C16orf74: variants seen among roughly 807,000 people sequenced by gnomAD.
The protein encoded by C16orf74 is calcimembrin.
C16orf74 carries 10 observed loss-of-function variants against 6.5 expected under a neutral mutation model. The observed-to-expected ratio is 1.54, with a 90% CI of 0.95 to 2.61. The LOEUF (loss-of-function observed/expected upper bound fraction) is 2.61. C16orf74 is among the 30% of genes most tolerant of loss of function. C16orf74 has a pLI of 0.00. For synonymous variants in C16orf74, 60 were observed against 42.5 expected, an observed-to-expected ratio of 1.41 and a Z score of -1.60; for missense variants, 141 against 105.9, an observed-to-expected ratio of 1.33 and a Z score of -1.45.
intron 1 of C16orf74, among the ~76,000 whole-genome samples, chr16:85,745,668 A>G (rs1224836664): frequency 6.8e-6 from 1 of 147,948 alleles, no homozygotes; most frequent in Non-Finnish European, 1.5e-5. Flanking sequence ...CTTTTCAAAG[A>G]CACAGAATCT....
intron 2 of C16orf74, among the ~76,000 whole-genome samples, chr16:85,731,691 AT>A (rs11313311): frequency 0.92 from 132,559 of 144,296 alleles, 61,084 homozygotes; most frequent in South Asian, 1. Context: ...TTGTGATGTC[AT>A]TTTTTTTTTT....
chr16:85,719,835 G>C (rs916348133), intron 2 of C16orf74, among the ~76,000 whole-genome samples: 1 of 144,606 alleles, frequency 6.9e-6, no homozygotes, highest in African/African-American at 2.8e-5. Flanking sequence ...AGGAACATAG[G>C]GGCCACAGGC....
chr16:85,707,816 G>C lies in C16orf74; in HGVS notation c.*192C>G, dbSNP rs2053927344. The C allele has an allele frequency of 1.7e-6, 1 of 593,736 alleles. No individual in the cohort carries two copies. The highest frequency in any genetic ancestry group is 1.9e-5 in the African/African-American group (1 of 52,928). The allele number at this position is 593,736 out of a possible 1,614,324, so 36.8% of individuals were successfully genotyped here. A position where few individuals can be genotyped will look rare whatever the true frequency, so the allele number is the denominator to read the frequency against. On this transcript the variant is annotated 3_prime_UTR_variant, in exon 4 of 4. Transcript: ENST00000284245. ...AGGTCCGGTCCACTCAGCGGGGCCT[G>C]GGAAACACTGTTCTGGAAGTGGACA...
At chr16:85,748,128 G>A (rs200264431) in intron 1 of C16orf74, among the ~76,000 whole-genome samples, 6 of 60,842 alleles carry the variant, frequency 9.9e-5, no homozygotes, top group South Asian at 3.2e-4. Context: ...ATGTGTGTGT[G>A]TATATATATA....
At chr16:85,709,011 C>A (rs1225032370) in intron 3 of C16orf74, among the ~76,000 whole-genome samples, 2 of 152,228 alleles carry the variant, frequency 1.3e-5, no homozygotes, top group Non-Finnish European at 2.9e-5. Context: ...GCCTGCGGCA[C>A]CCGTGACTAG....
At chr16:85,731,414 G>A (rs2054186112) in intron 2 of C16orf74, among the ~76,000 whole-genome samples, 1 of 152,212 alleles carries the variant, frequency 6.6e-6, no homozygotes. Context: ...AACCCAGGGA[G>A]GCCTGGAGCT....
chr16:85,736,553 G>C (rs1598802365), intron 1 of C16orf74, among the ~76,000 whole-genome samples: 1 of 152,156 alleles, frequency 6.6e-6, no homozygotes, highest in African/African-American at 2.4e-5. Flanking sequence ...CCAAGACATA[G>C]ACCGGGGCCT....
intron 2 of C16orf74, among the ~76,000 whole-genome samples, chr16:85,715,262 C>G (rs577845827): frequency 6.6e-6 from 1 of 152,070 alleles, no homozygotes; most frequent in African/African-American, 2.4e-5. Context: ...GCCCCTACCC[C>G]AAACAACCAC....
intron 1 of C16orf74, among the ~76,000 whole-genome samples, chr16:85,748,105 TAC>T (rs1171776421): frequency 1.3e-5 from 1 of 74,080 alleles, no homozygotes; most frequent in Non-Finnish European, 4.2e-5. Context: ...TATATATATA[TAC>T]ATATATATAT....
chr16:85,748,126 GTGTATATATATATGTGTGTGTA>G (rs1316486018), intron 1 of C16orf74, among the ~76,000 whole-genome samples: 1 of 75,126 alleles, frequency 1.3e-5, no homozygotes, highest in African/African-American at 3.2e-5. Context: ...ATATGTGTGT[GTGTATATATATATGTGTGTGTA>G]TATATATATA....
intron 1 of C16orf74, among the ~76,000 whole-genome samples, chr16:85,738,067 C>T (rs373993869): frequency 6.7e-6 from 1 of 149,648 alleles, no homozygotes; most frequent in African/African-American, 2.5e-5. Flanking sequence ...AAAGATTGGA[C>T]ACCCTGGCTA....
At position 85,735,335 on chromosome 16, in the gene C16orf74, CAGG is replaced by C. The variant is rs992436323; in HGVS notation, c.-18-103_-18-101del. 1.1e-4 allele frequency: 74 copies of C among 687,488 alleles called. 1 individual carries two copies. The Middle Eastern group carries it at 1.6e-3, about 15-fold the overall frequency. The allele number at this position is 687,488 out of a possible 1,614,324, so 42.6% of individuals were successfully genotyped here. A position where few individuals can be genotyped will look rare whatever the true frequency, so the allele number is the denominator to read the frequency against. ...ACCCTTGGCCCTGATGAGTGCAAAA[CAGG>C]AGGTTGTGGTGGAGAGAAACCACCG... is the stretch of plus-strand genomic sequence containing the variant. On this transcript the variant is annotated intron_variant, in intron 1 of 3. Transcript: ENST00000284245.
chr16:85,711,262 G>A (rs2053966912), intron 2 of C16orf74, among the ~76,000 whole-genome samples: 1 of 148,296 alleles, frequency 6.7e-6, no homozygotes, highest in Non-Finnish European at 1.5e-5. Context: ...GTTGAAGTAG[G>A]CTGAGATCAC....
chr16:85,719,262 C>T (rs535081334), intron 2 of C16orf74, among the ~76,000 whole-genome samples: 3 of 152,306 alleles, frequency 2.0e-5, no homozygotes, highest in East Asian at 3.9e-4. Context: ...GCGGAAAGAA[C>T]GGCCTCTACA....
chr16:85,740,102 CG>C (rs1567812194), intron 1 of C16orf74, among the ~76,000 whole-genome samples: 1 of 145,050 alleles, frequency 6.9e-6, no homozygotes, highest in Non-Finnish European at 1.5e-5. Context: ...CCCAGCTACT[CG>C]GGAGGCTGAG....
At chr16:85,749,892 T>C (rs2054417560) in intron 1 of C16orf74, among the ~76,000 whole-genome samples, 1 of 152,122 alleles carries the variant, frequency 6.6e-6, no homozygotes, top group Non-Finnish European at 1.5e-5. Context: ...AGGGATTAAG[T>C]GTTTCCATAA....
At chr16:85,720,622 T>G (rs113926743) in intron 2 of C16orf74, among the ~76,000 whole-genome samples, 1 of 151,836 alleles carries the variant, frequency 6.6e-6, no homozygotes, top group African/African-American at 2.4e-5. Flanking sequence ...AAATTTTTTT[T>G]TAAATTAGCC....
Position 85,710,567 on chromosome 16 carries a change from C to G in C16orf74, c.29-260G>C, listed in dbSNP as rs1288824155. On this transcript the variant is annotated intron_variant, in intron 2 of 3. Coordinates refer to ENST00000284245, the MANE Select transcript of C16orf74 (RefSeq NM_206967.3). ...ATGCTGATCATAGGCTAGTTGGCCT[C>G]TGGGTCCAGTTGTCAGCCTTTACCA... 9.0e-6 allele frequency: 4 copies of G among 444,482 alleles called. No homozygotes were observed. In the Admixed American group the frequency reaches 1.9e-4, roughly 21 times the overall value. 27.5% of individuals were successfully genotyped at this position (444,482 alleles called of 1,614,324 possible).
At chr16:85,708,868 T>TGC (rs139323352) in intron 3 of C16orf74, among the ~76,000 whole-genome samples, 120 of 152,292 alleles carry the variant, frequency 7.9e-4, no homozygotes, top group African/African-American at 2.7e-3. Flanking sequence ...GCCTCATGGG[T>TGC]GCCTTGTCCC....
Sources: allele counts gnomAD v4.1 joint callset (sites outside exome capture counted in the v4.1 genomes callset), GRCh38; gene constraint gnomAD v4.1.1; transcripts MANE v1.5; gene names NCBI Gene and HGNC (gene_info 2026-07-23, HGNC 2026-07-21).